The following GJA10 variants were observed in gnomAD, a reference collection of about 807,000 sequenced individuals.
The protein encoded by GJA10 is gap junction protein alpha 10.
For synonymous variants in GJA10, 239 were observed against 233.0 expected, an observed-to-expected ratio of 1.03 and a Z score of -0.23; for missense variants, 685 against 651.9, an observed-to-expected ratio of 1.05 and a Z score of -0.55.
chr6:89,895,020 C>A lies in GJA10; in HGVS notation c.552C>A (p.His184Gln), dbSNP rs759630822. ...GQYILYGFQM[H>Q]PLYKCTQPPC... The stretch of plus-strand genomic sequence containing the variant: ...ATATTCTCTATGGGTTTCAAATGCA[C>A]CCCCTTTACAAATGCACTCAACCTC... Residue 184 changes from histidine to glutamine, a missense_variant, in exon 1 of 1, where the codon CAC (histidine) becomes CAA (glutamine). Transcript: ENST00000369352. 2.8e-5 allele frequency: 45 copies of A among 1,613,960 alleles called. No homozygotes were observed. The highest frequency in any genetic ancestry group is 3.6e-5 in the Non-Finnish European group (43 of 1,180,000).
In GJA10 at chr6:89,894,587, C is replaced by T; in HGVS notation, c.119C>T (p.Ala40Val). The T allele has an allele frequency of 6.2e-7, 1 of 1,614,186 alleles. No homozygotes were observed. The highest frequency in any genetic ancestry group is 8.5e-7 in the Non-Finnish European group (1 of 1,180,034). Residue 40 changes from alanine (A) to valine (V), a missense_variant, in exon 1 of 1, where the codon GCT becomes GTT. Transcript: ENST00000369352. ...FIFRMLVLRV[A>V]AEDVWDDEQS... Reference sequence around the variant, plus strand: ...TTCCGAATGCTGGTACTTCGTGTGGCTGCTGAGGATGTCTGGGATGATGAA... The same window carrying T: ...TTCCGAATGCTGGTACTTCGTGTGGTTGCTGAGGATGTCTGGGATGATGAA...
rs1451779721 is a variant in GJA10, at chr6:89,895,102, A to G, written c.634A>G (p.Met212Val). Reference sequence around the variant, plus strand: ...CAGGCCCACTGAGAAGACAATTTTCATGCTTTTTATGCACAGCATTGCAGC... The same window carrying G: ...CAGGCCCACTGAGAAGACAATTTTCGTGCTTTTTATGCACAGCATTGCAGC... ...VSRPTEKTIF[M>V]LFMHSIAAIS... is the part of the protein sequence containing the mutation. Residue 212 changes from methionine to valine, a missense_variant, in exon 1 of 1, where the codon ATG (methionine) becomes GTG (valine). By Grantham distance (21) the Met-to-Val change is conservative. Transcript: ENST00000369352. The G allele has an allele frequency of 1.2e-6, 2 of 1,614,040 alleles. No homozygotes were observed. The highest frequency in any genetic ancestry group is 1.7e-6 in the Non-Finnish European group (2 of 1,180,044).
chr6:89,895,384 C>T lies in GJA10; in HGVS notation c.916C>T (p.Pro306Ser). The T allele has an allele frequency of 6.2e-7, 1 of 1,614,180 alleles. No homozygotes were observed. Among genetic ancestry groups the T allele is most frequent in the Non-Finnish European group, 8.5e-7 (1 of 1,180,034 alleles). The change falls in exon 1 of 1, where the codon CCA becomes TCA. Residue 306 changes from proline (P) to serine (S), a missense_variant. Transcript: ENST00000369352. ...AAAGTCTAAAACCATGTGGCAAATC[C>T]CACAGCCAAGGCAACTTGAAGTAGA... ...VPKSKTMWQIPQPRQLEVDPS... is the reference protein window; with the variant it reads ...VPKSKTMWQISQPRQLEVDPS...
At position 89,894,651 on chromosome 6, in the gene GJA10, C is replaced by CAACAA; in HGVS notation, c.184_188dup (p.Asn63LysfsTer14). 1 of 1,614,210 alleles carries CAACAA rather than the reference C, an allele frequency of 6.2e-7. No homozygotes were observed. The highest frequency in any genetic ancestry group is 8.5e-7 in the Non-Finnish European group (1 of 1,180,032). On this transcript the variant is annotated frameshift_variant, in exon 1 of 2. Coordinates refer to the GJA10 transcript ENST00000638915. LOFTEE classifies it high-confidence loss of function. The stretch of plus-strand genomic sequence containing the variant: ...CCTGCAACACCCGGCAGCCAGGTTG[C>CAACAA]AACAATATCTGTTATGATGATGCAT...
rs1771711660 is a variant in GJA10 at position 89,894,600 on chromosome 6, C to T, written c.132C>T (p.Val44=). The T allele has an allele frequency of 6.2e-7, 1 of 1,614,084 alleles. No homozygotes were observed. The highest frequency in any genetic ancestry group is 8.5e-7 in the Non-Finnish European group (1 of 1,180,058). Residue 44 remains valine, a synonymous_variant, in exon 1 of 1, where the codon GTC becomes GTT. Transcript: ENST00000369352. ...TACTTCGTGTGGCTGCTGAGGATGT[C>T]TGGGATGATGAACAGTCAGCATTTG... ...MLVLRVAAED[V]WDDEQSAFAC... is the part of the protein sequence containing the mutation.
In GJA10 at chr6:89,894,498, C is replaced by T. The variant is rs149495960; in HGVS notation, c.30C>T (p.Ile10=). ...GGGACTGGAACTTATTGGGTGGCAT[C>T]CTAGAGGAAGTTCACTCCCACTCAA... MGDWNLLGG[I]LEEVHSHSTI... Residue 10 remains isoleucine (I), a synonymous_variant, in exon 1 of 1, where the codon ATC becomes ATT. Coordinates refer to ENST00000369352, the MANE Select transcript of GJA10 (RefSeq NM_032602.2). 117 of 1,613,546 alleles carry T rather than the reference C, an allele frequency of 7.3e-5. No individual in the cohort carries two copies. The African/African-American group carries it at 1.4e-3, about 19-fold the overall frequency.
rs370661060 is a variant in GJA10, at chr6:89,894,621, A to G, written c.153A>G (p.Ala51=). The G allele has an allele frequency of 1.7e-5, 27 of 1,614,086 alleles. 1 individual carries two copies. The highest frequency in any genetic ancestry group is 2.2e-5 in the Non-Finnish European group (26 of 1,180,038). Residue 51 remains alanine, a synonymous_variant, in exon 1 of 1, where the codon GCA becomes GCG. Transcript: ENST00000369352. The part of the protein sequence containing the change: ...AEDVWDDEQS[A]FACNTRQPGC... ...ATGTCTGGGATGATGAACAGTCAGC[A>G]TTTGCCTGCAACACCCGGCAGCCAG...
In GJA10 at chr6:89,894,774, C is replaced by T. The variant is rs1464770348; in HGVS notation, c.306C>T (p.Ala102=). The part of the protein sequence containing the change: ...YMGHALYRLR[A]FEKDRQRKKS... ...GCCATGCACTTTATAGGCTCAGGGCCTTTGAGAAAGACAGGCAGAGGAAAA... is the reference window on the plus strand; with the variant it reads ...GCCATGCACTTTATAGGCTCAGGGCTTTTGAGAAAGACAGGCAGAGGAAAA... Residue 102 remains alanine (A), a synonymous_variant, in exon 1 of 1, where the codon GCC becomes GCT. Transcript: ENST00000369352. The T allele has an allele frequency of 1.2e-6, 2 of 1,614,074 alleles. No individual in the cohort carries two copies. Among genetic ancestry groups the T allele is most frequent in the South Asian group, 2.2e-5 (2 of 91,076 alleles).
In GJA10 at chr6:89,894,658, A is replaced by T. The variant is rs778115863; in HGVS notation, c.190A>T (p.Ile64Phe). The change falls in exon 1 of 1, where the codon ATC (isoleucine) becomes TTC (phenylalanine). Residue 64 changes from isoleucine (I) to phenylalanine (F), a missense_variant. Transcript: ENST00000369352. The part of the protein sequence containing the change: ...CNTRQPGCNN[I>F]CYDDAFPISL... The stretch of plus-strand genomic sequence containing the variant: ...CACCCGGCAGCCAGGTTGCAACAAT[A>T]TCTGTTATGATGATGCATTCCCTAT... The T allele has an allele frequency of 1.1e-5, 17 of 1,614,192 alleles. No homozygotes were observed. Among genetic ancestry groups the T allele is most frequent in the Non-Finnish European group, 1.4e-5 (16 of 1,180,034 alleles).
rs201885767 is a variant in GJA10 at position 89,895,058 on chromosome 6, C to A, written c.590C>A (p.Ala197Glu). The change falls in exon 1 of 1, where the codon GCG (alanine) becomes GAG (glutamate). Residue 197 changes from alanine (A) to glutamate (E), a missense_variant. By Grantham distance (107) the Ala-to-Glu change is moderately radical (BLOSUM62 -1). Transcript: ENST00000369352. The part of the protein sequence containing the change: ...YKCTQPPCPN[A>E]VDCFVSRPTE... ...TGCACTCAACCTCCTTGCCCCAATG[C>A]GGTGGATTGCTTTGTATCCAGGCCC... The A allele has an allele frequency of 5.6e-6, 9 of 1,614,144 alleles. No homozygotes were observed. In the South Asian group the frequency reaches 7.7e-5, roughly 14 times the overall value.
chr6:89,895,035 C>T lies in GJA10; in HGVS notation c.567C>T (p.Cys189=), dbSNP rs1266944042. 3 of 1,614,038 alleles carry T rather than the reference C, an allele frequency of 1.9e-6. No homozygotes were observed. The highest frequency in any genetic ancestry group is 2.5e-6 in the Non-Finnish European group (3 of 1,180,020). The change falls in exon 1 of 1, where the codon TGC becomes TGT. Residue 189 remains cysteine (C), a synonymous_variant. Coordinates refer to ENST00000369352, the MANE Select transcript of GJA10 (RefSeq NM_032602.2). ...YGFQMHPLYK[C]TQPPCPNAVD... The stretch of plus-strand genomic sequence containing the variant: ...TTCAAATGCACCCCCTTTACAAATG[C>T]ACTCAACCTCCTTGCCCCAATGCGG...
Position 89,895,098 on chromosome 6 carries a change from T to C in GJA10, c.630T>C (p.Ile210=), listed in dbSNP as rs201432527. The change falls in exon 1 of 1, where the codon ATT becomes ATC. Residue 210 remains isoleucine (I), a synonymous_variant. Transcript: ENST00000369352. The part of the protein sequence containing the change: ...CFVSRPTEKT[I]FMLFMHSIAA... ...TATCCAGGCCCACTGAGAAGACAAT[T>C]TTCATGCTTTTTATGCACAGCATTG... 6.2e-7 allele frequency: 1 copy of C among 1,614,152 alleles called. No homozygotes were observed. The highest frequency in any genetic ancestry group is 1.3e-5 in the African/African-American group (1 of 75,046).
At position 89,895,410 on chromosome 6, in the gene GJA10, C is replaced by A; in HGVS notation, c.942C>A (p.Asp314Glu). ...QIPQPRQLEV[D>E]PSNGKKDWSE... ...CACAGCCAAGGCAACTTGAAGTAGACCCTTCCAATGGGAAAAAGGACTGGT... is the reference window on the plus strand; with the variant it reads ...CACAGCCAAGGCAACTTGAAGTAGAACCTTCCAATGGGAAAAAGGACTGGT... The change falls in exon 1 of 1, where the codon GAC becomes GAA. Residue 314 changes from aspartate (D) to glutamate (E), a missense_variant. Transcript: ENST00000369352. The A allele has an allele frequency of 6.2e-7, 1 of 1,614,204 alleles. No individual in the cohort carries two copies.
In GJA10 at chr6:89,895,832, G is replaced by T. The variant is rs147804023; in HGVS notation, c.1364G>T (p.Ser455Ile). 3.1e-6 allele frequency: 5 copies of T among 1,614,058 alleles called. No individual in the cohort carries two copies. Among genetic ancestry groups the T allele is most frequent in the Non-Finnish European group, 3.4e-6 (4 of 1,180,048 alleles). Residue 455 changes from serine to isoleucine, a missense_variant, in exon 1 of 1, where the codon AGC becomes ATC. By Grantham distance (142) the Ser-to-Ile change is moderately radical. Coordinates refer to ENST00000369352, the MANE Select transcript of GJA10 (RefSeq NM_032602.2). ...TCAGGAAGCTCTGGTTCTCGGAATA[G>T]CTCCTGCTTGGATTTTCCTCACTGG... ...SDSGSSGSRNSSCLDFPHWEN... is the reference protein window; with the variant it reads ...SDSGSSGSRNISCLDFPHWEN...
intron 1 of GJA10, chr6:89,896,017 GAC>G: frequency 6.2e-7 from 1 of 1,612,804 alleles, no homozygotes; most frequent in Non-Finnish European, 8.5e-7. Flanking sequence ...TGTTTGTGTT[GAC>G]AGAGAGGCAG....
Position 89,895,615 on chromosome 6 carries a change from GT to G in GJA10, c.1148del (p.Val383GlufsTer31), listed in dbSNP as rs943474636. The stretch of plus-strand genomic sequence containing the variant: ...TCCTAGAAACTGTCCATCCTTTGCA[GT>G]AGGAACCTGGGAGCAGTCCCAGGAC... On this transcript the variant is annotated frameshift_variant, in exon 1 of 2. Transcript: ENST00000638915. LOFTEE classifies it high-confidence loss of function. 16 of 1,614,056 alleles carry G rather than the reference GT, an allele frequency of 9.9e-6. No homozygotes were observed. The highest frequency in any genetic ancestry group is 1.3e-5 in the African/African-American group (1 of 74,928).
Position 89,895,868 on chromosome 6 carries a change from C to T in GJA10, c.1400C>T (p.Pro467Leu). 6.2e-7 allele frequency: 1 copy of T among 1,614,154 alleles called. No individual in the cohort carries two copies. Among genetic ancestry groups the T allele is most frequent in the South Asian group, 1.1e-5 (1 of 91,082 alleles). Reference sequence around the variant, plus strand: ...GATTTTCCTCACTGGGAAAACAGCCCCTCACCTCTGCCTTCAGTCACTGGG... The same window carrying T: ...GATTTTCCTCACTGGGAAAACAGCCTCTCACCTCTGCCTTCAGTCACTGGG... ...CLDFPHWENSPSPLPSVTGHR... is the reference protein window; with the variant it reads ...CLDFPHWENSLSPLPSVTGHR... The change falls in exon 1 of 1, where the codon CCC (proline) becomes CTC (leucine). Residue 467 changes from proline (P) to leucine (L), a missense_variant. By Grantham distance (98) the Pro-to-Leu change is moderately conservative (BLOSUM62 -3). Transcript: ENST00000369352.
Position 89,894,666 on chromosome 6 carries a change from T to G in GJA10, c.198T>G (p.Tyr66Ter), listed in dbSNP as rs746653400. The change falls in exon 1 of 2, where the codon TAT becomes TAG. Residue 66 changes from tyrosine to a stop codon, truncating the protein, a stop_gained. Coordinates refer to the GJA10 transcript ENST00000638915. LOFTEE classifies it high-confidence loss of function. ...AGCCAGGTTGCAACAATATCTGTTA[T>G]GATGATGCATTCCCTATCTCTTTGA... The G allele has an allele frequency of 6.6e-5, 107 of 1,614,234 alleles. No individual in the cohort carries two copies. The highest frequency in any genetic ancestry group is 8.1e-5 in the Non-Finnish European group (96 of 1,180,044).
chr6:89,894,988 G>A lies in GJA10; in HGVS notation c.520G>A (p.Gly174Ser). The change falls in exon 1 of 1, where the codon GGC becomes AGC. Residue 174 changes from glycine (G) to serine (S), a missense_variant. Physicochemically the swap from Gly to Ser is moderately conservative, Grantham distance 56. Transcript: ENST00000369352. ...RSVLEVGFMI[G>S]QYILYGFQMH... ...TGTGCTGGAAGTAGGATTCATGATA[G>A]GCCAATATATTCTCTATGGGTTTCA... 1 of 1,614,140 alleles carries A rather than the reference G, an allele frequency of 6.2e-7. No individual in the cohort carries two copies.
Sources: allele counts gnomAD v4.1 joint callset, GRCh38; gene constraint gnomAD v4.1.1; transcripts MANE v1.5; gene names NCBI Gene and HGNC (gene_info 2026-07-23, HGNC 2026-07-21).